Variants in CTNND2 observed in about 807,000 individuals in gnomAD.
CTNND2 encodes the protein catenin delta 2.
CTNND2 carries 22 observed loss-of-function variants against 144.4 expected under a neutral mutation model. The ratio of observed to expected loss-of-function variants is 0.15; its 90% confidence interval spans 0.11 to 0.22. CTNND2 has a LOEUF of 0.22. CTNND2 is among the 10% of genes least tolerant of loss of function. The pLI is 1.00. For missense variants in CTNND2, 1,353 were observed against 1,618.8 expected, an observed-to-expected ratio of 0.84 and a Z score of 2.82; for synonymous variants, 751 against 695.6, an observed-to-expected ratio of 1.08 and a Z score of -1.25.
Position 11,504,291 on chromosome 5 carries a change from T to C in CTNND2, c.287+60653A>G, listed in dbSNP as rs148596064. Among the ~76,000 whole-genome samples, 1,068 of 152,336 alleles carry C rather than the reference T, an allele frequency of 7.0e-3. 11 individuals are homozygous for C. Among genetic ancestry groups the C allele is most frequent in the African/African-American group, 0.024 (1,002 of 41,576 alleles). ...CTGCTGCCGCTGCTGCTGATGATGA[T>C]GACGACGATGACTCAGCGTAATGTT... On this transcript the variant is annotated intron_variant, in intron 3 of 21. Coordinates refer to ENST00000304623, the MANE Select transcript of CTNND2 (RefSeq NM_001332.4).
At chr5:11,548,276 A>C (rs1775434064) in intron 3 of CTNND2, among the ~76,000 whole-genome samples, 1 of 152,258 alleles carries the variant, frequency 6.6e-6, no homozygotes, top group Admixed American at 6.5e-5. Context: ...GCTGTTTGAC[A>C]TAGTGGAAGA....
chr5:11,408,095 G>A (rs1761234015), intron 5 of CTNND2, among the ~76,000 whole-genome samples: 1 of 152,018 alleles, frequency 6.6e-6, no homozygotes, highest in African/African-American at 2.4e-5. Context: ...TTCCCTTAGG[G>A]TCTAAGGGTG....
At chr5:11,299,216 T>C (rs1440309974) in intron 9 of CTNND2, among the ~76,000 whole-genome samples, 1 of 152,200 alleles carries the variant, frequency 6.6e-6, no homozygotes, top group African/African-American at 2.4e-5. Context: ...CTGGCTTTTC[T>C]TCACGGTTTG....
At chr5:11,680,033 G>A (rs1007212058) in intron 2 of CTNND2, among the ~76,000 whole-genome samples, 1 of 152,158 alleles carries the variant, frequency 6.6e-6, no homozygotes, top group African/African-American at 2.4e-5. Context: ...AAGGGACTTT[G>A]GAAGTGTAAC....
chr5:11,716,891 T>C (rs1786383115), intron 2 of CTNND2, among the ~76,000 whole-genome samples: 1 of 151,804 alleles, frequency 6.6e-6, no homozygotes, highest in Non-Finnish European at 1.5e-5. Flanking sequence ...TATTTTGAGA[T>C]GGAGTCTCAC....
At chr5:11,813,161 G>A (rs1792432205) in intron 1 of CTNND2, among the ~76,000 whole-genome samples, 2 of 152,100 alleles carry the variant, frequency 1.3e-5, no homozygotes, top group African/African-American at 4.8e-5. Context: ...ACTTACCATT[G>A]TGTTACAATT....
chr5:11,016,775 ATAT>A (rs1355832125), intron 18 of CTNND2, among the ~76,000 whole-genome samples: 1 of 151,436 alleles, frequency 6.6e-6, no homozygotes, highest in Non-Finnish European at 1.5e-5. Context: ...TATCCCCTAT[ATAT>A]TTTTTTTTTT....
chr5:11,228,538 T>G (rs936086683), intron 10 of CTNND2, among the ~76,000 whole-genome samples: 2 of 149,682 alleles, frequency 1.3e-5, no homozygotes, highest in African/African-American at 2.5e-5. Flanking sequence ...CAGGCTGGAG[T>G]GCAGTGGCAT....
Position 11,531,425 on chromosome 5 carries a change from A to G in CTNND2, c.287+33519T>C, listed in dbSNP as rs556670331. ...TAGATATCCTGAGATCAGGAGTTCG[A>G]GGCCAGCCTGGCCAACATGGTAAAA... On this transcript the variant is annotated intron_variant, in intron 3 of 21. Transcript: ENST00000304623. Among the ~76,000 whole-genome samples, 5 of 152,266 alleles carry G rather than the reference A, an allele frequency of 3.3e-5. No individual in the cohort carries two copies. In the East Asian group the frequency reaches 9.7e-4, roughly 30 times the overall value.
At chr5:11,082,895 G>A (rs1749740763) in intron 15 of CTNND2, 49 bp from the exon 16 acceptor site, 1 of 1,598,392 alleles carries the variant, frequency 6.3e-7, no homozygotes, top group East Asian at 2.2e-5. Flanking sequence ...AAGAAACCCT[G>A]CATGCAAATA....
At chr5:11,112,334 T>C (rs553787109) in intron 13 of CTNND2, among the ~76,000 whole-genome samples, 38 of 152,174 alleles carry the variant, frequency 2.5e-4, no homozygotes, top group African/African-American at 8.9e-4. Context: ...AGTGATGTGA[T>C]GTGAGAAGGA....
chr5:11,687,274 T>C (rs917942171), intron 2 of CTNND2, among the ~76,000 whole-genome samples: 3 of 152,266 alleles, frequency 2.0e-5, no homozygotes, highest in Non-Finnish European at 4.4e-5. Flanking sequence ...CTGTCACATG[T>C]ACCCAACTGC....
chr5:11,782,282 G>A (rs922623584), intron 1 of CTNND2, among the ~76,000 whole-genome samples: 3 of 152,044 alleles, frequency 2.0e-5, no homozygotes, highest in East Asian at 1.9e-4. Flanking sequence ...CAGCCCCCAA[G>A]AGACACGATG....
chr5:11,598,123 A>C (rs1269780547), intron 2 of CTNND2, among the ~76,000 whole-genome samples: 1 of 152,012 alleles, frequency 6.6e-6, no homozygotes, highest in Non-Finnish European at 1.5e-5. Flanking sequence ...TCATTTTATA[A>C]ATGAGGAAAC....
intron 1 of CTNND2, among the ~76,000 whole-genome samples, chr5:11,890,000 A>C (rs1181910468): frequency 6.6e-6 from 1 of 152,228 alleles, no homozygotes; most frequent in Non-Finnish European, 1.5e-5. Flanking sequence ...TGAAAAATAT[A>C]AATTCACTTT....
chr5:11,603,701 A>G (rs1455164291), intron 2 of CTNND2, among the ~76,000 whole-genome samples: 2 of 152,216 alleles, frequency 1.3e-5, no homozygotes, highest in African/African-American at 4.8e-5. Context: ...AACAGTTCAG[A>G]GAAGTCTATT....
At chr5:11,781,650 A>G (rs1347813162) in intron 1 of CTNND2, among the ~76,000 whole-genome samples, 1 of 152,210 alleles carries the variant, frequency 6.6e-6, no homozygotes, top group Non-Finnish European at 1.5e-5. Flanking sequence ...TGTTATGGAT[A>G]ATTTACACAA....
intron 9 of CTNND2, among the ~76,000 whole-genome samples, chr5:11,333,257 ATTCTT>A (rs766982772): frequency 7.3e-5 from 11 of 151,566 alleles, no homozygotes; most frequent in Non-Finnish European, 1.0e-4. Context: ...TTTCTTTTCT[ATTCTT>A]TTCTTTTTTT....
intron 1 of CTNND2, among the ~76,000 whole-genome samples, chr5:11,841,570 T>C (rs1794474060): frequency 6.6e-6 from 1 of 151,976 alleles, no homozygotes; most frequent in African/African-American, 2.4e-5. Context: ...AAAATAGATA[T>C]AATAGACATA....
Sources: allele counts gnomAD v4.1 joint callset (sites outside exome capture counted in the v4.1 genomes callset), GRCh38; gene constraint gnomAD v4.1.1; transcripts MANE v1.5; gene names NCBI Gene and HGNC (gene_info 2026-07-23, HGNC 2026-07-21).